RAP1A: variants seen among roughly 807,000 people sequenced by gnomAD.
RAP1A encodes the protein RAP1A, member of RAS oncogene family.
A neutral mutation model predicts 26.4 loss-of-function variants in RAP1A; 6 were observed. The ratio of observed to expected loss-of-function variants is 0.23; its 90% CI spans 0.12 to 0.45. The LOEUF (loss-of-function observed/expected upper bound fraction) is 0.45. Among genes scored for constraint, RAP1A ranks in the 20% least tolerant of loss-of-function variants. The pLI, the probability that RAP1A is intolerant of heterozygous loss-of-function variation, is 0.99. For synonymous variants in RAP1A, 73 were observed against 79.4 expected (o/e 0.92, Z 0.43); for missense variants, 121 against 217.2 (o/e 0.56, Z 2.78).
chr1:111,619,855 A>G lies in RAP1A; in HGVS notation c.-107A>G. The G allele has an allele frequency of 5.1e-6, 2 of 388,742 alleles. No homozygotes were observed. The highest frequency in any genetic ancestry group is 9.0e-6 in the Non-Finnish European group (2 of 221,250). 24.1% of individuals were successfully genotyped at this position (388,742 alleles called of 1,614,324 possible). ...TGTCGCCGCGCAGAGCCGGAGCAGGAGCCACGGCCGAGAGGAGGGAGGAGG... is the reference window on the plus strand; with the variant it reads ...TGTCGCCGCGCAGAGCCGGAGCAGGGGCCACGGCCGAGAGGAGGGAGGAGG... On this transcript the variant is annotated 5_prime_UTR_variant, in exon 1 of 8. Transcript: ENST00000369709.
intron 1 of RAP1A, among the ~76,000 whole-genome samples, chr1:111,622,540 C>G (rs1194315288): frequency 6.6e-6 from 1 of 152,222 alleles, no homozygotes. Flanking sequence ...TTCCCTGCCA[C>G]TGTTTCTATC....
chr1:111,661,496 C>T (rs773469596), intron 1 of RAP1A, among the ~76,000 whole-genome samples: 3 of 152,054 alleles, frequency 2.0e-5, no homozygotes, highest in Non-Finnish European at 4.4e-5. Flanking sequence ...TCCTGATTGC[C>T]AGGTTAAGAT....
rs560413363 is a variant in RAP1A, at chr1:111,588,764, CT to C, written c.-28+46256del. ...CTAGAAGAGCAACTGGTGCATACCC[CT>C]ATCACCTCTATTATCATTAATGATT... On this transcript the variant is annotated intron_variant, in intron 1 of 7. Transcript: ENST00000356415. Among the ~76,000 whole-genome samples, 29 of 152,314 alleles carry C rather than the reference CT, an allele frequency of 1.9e-4. No homozygotes were observed. The East Asian group carries it at 4.2e-3, about 22-fold the overall frequency.
At chr1:111,603,833 C>T (rs1251674607) in intron 1 of RAP1A, among the ~76,000 whole-genome samples, 1 of 152,176 alleles carries the variant, frequency 6.6e-6, no homozygotes, top group African/African-American at 2.4e-5. Context: ...TGCAGGATTG[C>T]AACTCTGTGA....
At chr1:111,583,163 A>G (rs184054469) in intron 1 of RAP1A, among the ~76,000 whole-genome samples, 1 of 152,170 alleles carries the variant, frequency 6.6e-6, no homozygotes, top group Admixed American at 6.5e-5. Flanking sequence ...CCAACCCCCA[A>G]TGTCTTTCCC....
intron 1 of RAP1A, among the ~76,000 whole-genome samples, chr1:111,626,554 G>A (rs1659407796): frequency 6.6e-6 from 1 of 152,134 alleles, no homozygotes; most frequent in Non-Finnish European, 1.5e-5. Context: ...CTAAAGTCAA[G>A]TATCTGCTAG....
intron 1 of RAP1A, among the ~76,000 whole-genome samples, chr1:111,654,217 A>G (rs1660379965): frequency 6.6e-6 from 1 of 152,140 alleles, no homozygotes; most frequent in Non-Finnish European, 1.5e-5. Flanking sequence ...TGCTTTGTGG[A>G]ATTTGCCATC....
chr1:111,663,436 C>G (rs1452065484), intron 1 of RAP1A, among the ~76,000 whole-genome samples: 2 of 152,298 alleles, frequency 1.3e-5, no homozygotes, highest in South Asian at 4.1e-4. Flanking sequence ...TTCCAAAATT[C>G]TTCTCAAAAT....
At chr1:111,655,320 C>T (rs972646778) in intron 1 of RAP1A, among the ~76,000 whole-genome samples, 1 of 144,550 alleles carries the variant, frequency 6.9e-6, no homozygotes, top group Non-Finnish European at 1.5e-5. Flanking sequence ...TAAAAGCAAA[C>T]AATATCTGAG....
intron 1 of RAP1A, among the ~76,000 whole-genome samples, chr1:111,573,427 C>T (rs973067606): frequency 9.9e-5 from 15 of 152,114 alleles, no homozygotes; most frequent in Middle Eastern, 6.8e-3. Flanking sequence ...TTTTGCCTCC[C>T]GGGTTGAAGC....
intron 1 of RAP1A, among the ~76,000 whole-genome samples, chr1:111,640,995 G>A (rs1659872650): frequency 6.6e-6 from 1 of 152,078 alleles, no homozygotes; most frequent in African/African-American, 2.4e-5. Flanking sequence ...TTTTTGTTAA[G>A]TAATGTATTT....
chr1:111,629,368 A>G (rs1659500624), intron 1 of RAP1A, among the ~76,000 whole-genome samples: 1 of 152,152 alleles, frequency 6.6e-6, no homozygotes, highest in Non-Finnish European at 1.5e-5. Flanking sequence ...ACTTGACTGA[A>G]TAATATAAAG....
At chr1:111,705,080 C>G (rs1662146919) in intron 6 of RAP1A, among the ~76,000 whole-genome samples, 1 of 152,170 alleles carries the variant, frequency 6.6e-6, no homozygotes, top group Non-Finnish European at 1.5e-5. Context: ...GACAAGAATA[C>G]TTAGCAAATA....
intron 1 of RAP1A, among the ~76,000 whole-genome samples, chr1:111,561,150 G>A (rs538565987): frequency 1.3e-5 from 2 of 152,248 alleles, no homozygotes; most frequent in South Asian, 4.1e-4. Context: ...TTGAGACAGG[G>A]TCTCCCTCTG....
At chr1:111,660,195 G>A (rs1008029784) in intron 1 of RAP1A, among the ~76,000 whole-genome samples, 1 of 152,132 alleles carries the variant, frequency 6.6e-6, no homozygotes, top group Non-Finnish European at 1.5e-5. Context: ...TAACTTGGTG[G>A]TTTTTTCTGG....
intron 1 of RAP1A, among the ~76,000 whole-genome samples, chr1:111,574,914 A>G (rs778431516): frequency 9.2e-5 from 14 of 152,252 alleles, no homozygotes; most frequent in Non-Finnish European, 1.8e-4. Context: ...ATGAATTGCT[A>G]TAGCAGTAGA....
intron 1 of RAP1A, among the ~76,000 whole-genome samples, chr1:111,663,125 GAT>G (rs749649580): frequency 4.2e-4 from 64 of 152,124 alleles, no homozygotes; most frequent in Non-Finnish European, 1.6e-4. Context: ...TGTTGGCCAG[GAT>G]GGTCTTGATC....
intron 5 of RAP1A, among the ~76,000 whole-genome samples, chr1:111,704,116 A>G (rs1321859870): frequency 6.6e-6 from 1 of 150,516 alleles, no homozygotes; most frequent in African/African-American, 2.4e-5. Flanking sequence ...TCTTAAAATA[A>G]TTTGGCATAT....
At chr1:111,584,466 C>G (rs947098556) in intron 1 of RAP1A, among the ~76,000 whole-genome samples, 1 of 152,076 alleles carries the variant, frequency 6.6e-6, no homozygotes, top group Non-Finnish European at 1.5e-5. Flanking sequence ...CCTTACAAGA[C>G]AGAAGGAGCA....
Sources: gnomAD v4.1 joint callset for allele counts (sites outside exome capture counted in the v4.1 genomes callset) on GRCh38, gnomAD v4.1.1 for gene constraint, MANE v1.5 for transcripts, NCBI Gene and HGNC (gene_info 2026-07-23, HGNC 2026-07-21) for gene names.